The following MINDY4 variants were observed in gnomAD, a reference collection of about 807,000 sequenced individuals.
MINDY4 encodes the protein probable ubiquitin carboxyl-terminal hydrolase MINDY-4.
A neutral mutation model predicts 87.0 loss-of-function variants in MINDY4; 68 were observed. The observed-to-expected ratio is 0.78, with a 90% CI of 0.64 to 0.96. The LOEUF is 0.96. MINDY4 is among the 40% of genes least tolerant of loss of function. MINDY4 has a pLI of 0.00. For missense variants in MINDY4, 919 were observed against 928.2 expected (o/e 0.99, Z 0.13); for synonymous variants, 379 against 363.2 (o/e 1.04, Z -0.50).
intron 9 of MINDY4, 146 bp from the exon 10 acceptor site, chr7:30,850,308 G>A (rs907729527): frequency 9.9e-6 from 7 of 708,334 alleles, no homozygotes; most frequent in South Asian, 1.8e-5. Flanking sequence ...TTGCCTTGGG[G>A]CTCCTGGGCT....
intron 12 of MINDY4, 143 bp from the exon 13 acceptor site, chr7:30,859,114 G>A (rs973047695): frequency 6.4e-6 from 5 of 781,060 alleles, no homozygotes; most frequent in East Asian, 2.6e-5. Flanking sequence ...TCAGCCTTCG[G>A]GCCACCCAGC....
At chr7:30,869,403 A>C (rs549185109) in intron 13 of MINDY4, among the ~76,000 whole-genome samples, 1 of 152,164 alleles carries the variant, frequency 6.6e-6, no homozygotes, top group Admixed American at 6.5e-5. Flanking sequence ...AGGGCTCTGA[A>C]TCTAAAAAGA....
intron 5 of MINDY4, among the ~76,000 whole-genome samples, chr7:30,807,090 T>C (rs1018205671): frequency 2.0e-5 from 3 of 152,244 alleles, no homozygotes; most frequent in Admixed American, 6.5e-5. Context: ...AAGGAAATCA[T>C]GTAAACTGAA....
At chr7:30,817,886 A>G (rs1788204707) in intron 5 of MINDY4, among the ~76,000 whole-genome samples, 1 of 152,202 alleles carries the variant, frequency 6.6e-6, no homozygotes, top group Non-Finnish European at 1.5e-5. Context: ...GGAGAGTGGT[A>G]GGAGTGCCGA....
intron 5 of MINDY4, among the ~76,000 whole-genome samples, chr7:30,807,909 G>A (rs902540277): frequency 1.3e-5 from 2 of 152,240 alleles, no homozygotes; most frequent in African/African-American, 4.8e-5. Flanking sequence ...GGAGATGTGA[G>A]TCTTGCTGAA....
At chr7:30,772,994 C>CA (rs1159704106) in intron 1 of MINDY4, among the ~76,000 whole-genome samples, 1 of 152,180 alleles carries the variant, frequency 6.6e-6, no homozygotes, top group Non-Finnish European at 1.5e-5. Flanking sequence ...CACCACCCCC[C>CA]ACTTGACATG....
intron 4 of MINDY4, among the ~76,000 whole-genome samples, chr7:30,788,937 A>G (rs530218327): frequency 2.6e-5 from 4 of 152,170 alleles, no homozygotes; most frequent in South Asian, 4.2e-4. Flanking sequence ...TTATTCACCT[A>G]TTTTCATTGT....
At chr7:30,875,869 T>A (rs1006347794) in intron 15 of MINDY4, among the ~76,000 whole-genome samples, 1 of 152,208 alleles carries the variant, frequency 6.6e-6, no homozygotes, top group Non-Finnish European at 1.5e-5. Context: ...TACCGTGTTC[T>A]GGGGAAGATG....
At chr7:30,877,295 G>A (rs6970652) in intron 15 of MINDY4, among the ~76,000 whole-genome samples, 2,635 of 152,252 alleles carry the variant, frequency 0.017, 79 homozygotes, top group African/African-American at 0.061. Context: ...TTCTTGGGTC[G>A]AGGGCGTTGG....
intron 16 of MINDY4, 22 bp from the exon 17 acceptor site, chr7:30,882,899 G>A (rs551280514): frequency 1.2e-6 from 2 of 1,612,820 alleles, no homozygotes; most frequent in East Asian, 2.2e-5. Context: ...TGACATGTGT[G>A]TGCCTCTCTC....
intron 6 of MINDY4, among the ~76,000 whole-genome samples, chr7:30,835,619 A>G (rs908288302): frequency 2.0e-5 from 3 of 152,132 alleles, no homozygotes; most frequent in Admixed American, 6.5e-5. Flanking sequence ...CTGGGGAGAA[A>G]GGAGGCTGTA....
chr7:30,782,835 A>G (rs62446930), intron 3 of MINDY4, among the ~76,000 whole-genome samples: 10,413 of 152,284 alleles, frequency 0.068, 489 homozygotes, highest in Middle Eastern at 0.13. Flanking sequence ...AATCTTGAGC[A>G]AGAATTTATT....
At chr7:30,772,258 CTG>C (rs150832933) in intron 1 of MINDY4, among the ~76,000 whole-genome samples, 3 of 152,232 alleles carry the variant, frequency 2.0e-5, no homozygotes, top group East Asian at 1.9e-4. Flanking sequence ...GGGCTGCACT[CTG>C]TGTGTTTTGT....
At chr7:30,785,582 A>C (rs1787139305) in intron 3 of MINDY4, among the ~76,000 whole-genome samples, 167 bp from the exon 4 acceptor site, 1 of 152,194 alleles carries the variant, frequency 6.6e-6, no homozygotes, top group South Asian at 2.1e-4. Flanking sequence ...TTGATACCAG[A>C]GTATTTTCTG....
chr7:30,820,117 G>C (rs1050702878), intron 5 of MINDY4, among the ~76,000 whole-genome samples: 1 of 151,562 alleles, frequency 6.6e-6, no homozygotes, highest in South Asian at 2.1e-4. Flanking sequence ...TAGCCGGGAT[G>C]GTCTTGATCT....
intron 9 of MINDY4, among the ~76,000 whole-genome samples, chr7:30,846,947 G>C (rs7792019): frequency 0.05 from 7,614 of 152,158 alleles, 300 homozygotes; most frequent in East Asian, 0.11. Context: ...CTCGTCCGCT[G>C]CTCACCTCCT....
Position 30,882,946 on chromosome 7 carries a change from C to T in MINDY4, c.2178C>T (p.Asp726=), listed in dbSNP as rs1025535987. The T allele has an allele frequency of 2.5e-6, 4 of 1,614,064 alleles. No individual in the cohort carries two copies. The highest frequency in any genetic ancestry group is 8.5e-7 in the Non-Finnish European group (1 of 1,179,994). ...ACACCACCCAAACCATCTCTGAGGA[C>T]ACAGACAACGACCTTGTCCCACCCC... ...TIDTTQTISE[D]TDNDLVPPLE... is the part of the protein sequence containing the mutation. The change falls in exon 17 of 18, where the codon GAC becomes GAT. Residue 726 remains aspartate, a synonymous_variant. Coordinates refer to ENST00000265299, the MANE Select transcript of MINDY4 (RefSeq NM_032222.3).
chr7:30,842,599 G>T (rs1465214490), intron 9 of MINDY4, among the ~76,000 whole-genome samples: 1 of 152,132 alleles, frequency 6.6e-6, no homozygotes, highest in African/African-American at 2.4e-5. Context: ...ACACATACAG[G>T]TGCCCTCATG....
chr7:30,820,556 G>A (rs538484011), intron 5 of MINDY4, among the ~76,000 whole-genome samples: 5 of 152,108 alleles, frequency 3.3e-5, no homozygotes, highest in Non-Finnish European at 5.9e-5. Context: ...GGCAACTACC[G>A]ATCTGTGATA....
Sources: gnomAD v4.1 joint callset for allele counts (sites outside exome capture counted in the v4.1 genomes callset) on GRCh38, gnomAD v4.1.1 for gene constraint, MANE v1.5 for transcripts, NCBI Gene and HGNC (gene_info 2026-07-23, HGNC 2026-07-21) for gene names.